The following TNFRSF19 variants were observed in gnomAD, a reference collection of about 807,000 sequenced individuals.
TNFRSF19 encodes the protein tumor necrosis factor receptor superfamily member 19.
TNFRSF19 carries 27 observed loss-of-function variants against 46.4 expected under a neutral mutation model. That is an observed-to-expected ratio of 0.58 (90% CI 0.43 to 0.80). TNFRSF19 has a LOEUF of 0.80. TNFRSF19 is among the 30% of genes least tolerant of loss of function. TNFRSF19 has a pLI of 0.00. For missense variants in TNFRSF19, 511 were observed against 530.8 expected (o/e 0.96, Z 0.37); for synonymous variants, 204 against 205.0 (o/e 1.00, Z 0.04).
At chr13:23,665,771 T>C (rs1951619800) in intron 7 of TNFRSF19, among the ~76,000 whole-genome samples, 1 of 152,198 alleles carries the variant, frequency 6.6e-6, no homozygotes, top group African/African-American at 2.4e-5. Context: ...AACAGGAAAT[T>C]CGTGTTAATT....
intron 4 of TNFRSF19, among the ~76,000 whole-genome samples, chr13:23,623,602 C>T (rs116216303): frequency 0.056 from 8,518 of 152,178 alleles, 397 homozygotes; most frequent in African/African-American, 0.13. Context: ...CACATCCTTG[C>T]CAACACTTGT....
At chr13:23,668,201 CTGGA>C in intron 8 of TNFRSF19, 119 bp downstream of exon 8, 1 of 975,524 alleles carries the variant, frequency 1.0e-6, no homozygotes, top group Non-Finnish European at 1.5e-6. Context: ...TAATGACATT[CTGGA>C]TATTGGTGGG....
At chr13:23,633,987 CACTT>C (rs1882524240) in intron 5 of TNFRSF19, among the ~76,000 whole-genome samples, 1 of 152,188 alleles carries the variant, frequency 6.6e-6, no homozygotes, top group Non-Finnish European at 1.5e-5. Flanking sequence ...CTATTTCAAA[CACTT>C]ATTCTCCAGA....
chr13:23,661,072 T>C (rs919715983), intron 7 of TNFRSF19, among the ~76,000 whole-genome samples: 9 of 152,200 alleles, frequency 5.9e-5, no homozygotes, highest in Non-Finnish European at 1.2e-4. Flanking sequence ...ATTTTAGGTT[T>C]GGGGGTACAT....
chr13:23,673,695 G>A lies in TNFRSF19; in HGVS notation c.*315G>A. 2.1e-6 allele frequency: 1 copy of A among 477,004 alleles called. No individual in the cohort carries two copies. The highest frequency in any genetic ancestry group is 3.1e-6 in the Non-Finnish European group (1 of 319,408). The allele number at this position is 477,004 out of a possible 1,614,324, so 29.5% of individuals were successfully genotyped here. ...GGTTGAGCTGGCAGCCTATGAGATT[G>A]TGGACATATAACAAGAAACAGAAAT... On this transcript the variant is annotated 3_prime_UTR_variant, in exon 10 of 10. Coordinates refer to ENST00000248484, the MANE Select transcript of TNFRSF19 (RefSeq NM_148957.4).
intron 1 of TNFRSF19, chr13:23,579,314 T>G (rs11841272): frequency 0.1 from 15,751 of 152,086 alleles, 877 homozygotes; most frequent in East Asian, 0.17. Context: ...GGGTGGGCGG[T>G]GCCCTGAGCG....
At chr13:23,615,774 T>G in intron 3 of TNFRSF19, 93 bp from the exon 4 acceptor site, 1 of 1,332,896 alleles carries the variant, frequency 7.5e-7, no homozygotes, top group Non-Finnish European at 1.0e-6. Flanking sequence ...CACTTGGTAA[T>G]TATTAGACCA....
chr13:23,597,049 A>T (rs907191934), intron 3 of TNFRSF19, among the ~76,000 whole-genome samples: 2 of 152,250 alleles, frequency 1.3e-5, no homozygotes, highest in African/African-American at 4.8e-5. Flanking sequence ...GAAACCAAAG[A>T]GAACAAAGAC....
At chr13:23,628,143 G>A (rs1306529262) in intron 5 of TNFRSF19, among the ~76,000 whole-genome samples, 1 of 152,144 alleles carries the variant, frequency 6.6e-6, no homozygotes, top group Non-Finnish European at 1.5e-5. Context: ...GGTGAATCCT[G>A]TTCTGTTGTT....
intron 1 of TNFRSF19, among the ~76,000 whole-genome samples, chr13:23,582,793 A>G (rs1390887977): frequency 6.6e-6 from 1 of 152,208 alleles, no homozygotes; most frequent in Admixed American, 6.5e-5. Context: ...CTAGAATTTC[A>G]TATAAATGTA....
chr13:23,630,365 T>C (rs1351307241), intron 5 of TNFRSF19, among the ~76,000 whole-genome samples: 3 of 150,132 alleles, frequency 2.0e-5, no homozygotes, highest in Non-Finnish European at 4.4e-5. Context: ...ACTGGGAGGC[T>C]GAAGGCTGAA....
chr13:23,603,352 G>A (rs1439545699), intron 3 of TNFRSF19, among the ~76,000 whole-genome samples: 1 of 151,972 alleles, frequency 6.6e-6, no homozygotes, highest in African/African-American at 2.4e-5. Flanking sequence ...TTCCAAAACA[G>A]AGAGCACCAA....
rs531042268 is a variant in TNFRSF19 at position 23,651,824 on chromosome 13, T to G, written c.446-7226T>G. 4.8e-4 allele frequency among the ~76,000 whole-genome samples: 65 copies of G among 136,332 alleles called. No homozygotes were observed. In the South Asian group the frequency reaches 8.8e-3, roughly 18 times the overall value. The allele number at this position is 136,332 out of a possible 152,430, so 89.4% of individuals were successfully genotyped here. On this transcript the variant is annotated intron_variant, in intron 5 of 9. Transcript: ENST00000248484. ...GTCTATACAGAATCTGAACCAGTAA[T>G]CCTTCACACTATAGTCTTTTTTTTT...
intron 5 of TNFRSF19, among the ~76,000 whole-genome samples, chr13:23,636,859 G>GT (rs2138323918): frequency 6.6e-6 from 1 of 152,342 alleles, no homozygotes; most frequent in African/African-American, 2.4e-5. Flanking sequence ...AGCTGGCACA[G>GT]TAGATGTATG....
At chr13:23,628,793 G>A (rs1882168821) in intron 5 of TNFRSF19, among the ~76,000 whole-genome samples, 1 of 152,058 alleles carries the variant, frequency 6.6e-6, no homozygotes, top group Non-Finnish European at 1.5e-5. Flanking sequence ...ATATATATGT[G>A]TGTGTATATG....
At chr13:23,590,918 C>T (rs1879233952) in intron 2 of TNFRSF19, among the ~76,000 whole-genome samples, 1 of 152,172 alleles carries the variant, frequency 6.6e-6, no homozygotes, top group African/African-American at 2.4e-5. Context: ...CCATGACCTA[C>T]ACAGTTTATG....
Position 23,611,281 on chromosome 13 carries a change from T to G in TNFRSF19, c.181-4586T>G, listed in dbSNP as rs1880896781. ...TGCAGTAGAGGAAATGAAAGCTCAG[T>G]GTAGAACTGGGCTCCACTCCAAATA... On this transcript the variant is annotated intron_variant, in intron 3 of 9. Transcript: ENST00000248484. Among the ~76,000 whole-genome samples, 3 of 152,140 alleles carry G rather than the reference T, an allele frequency of 2.0e-5. No individual in the cohort carries two copies. The South Asian group carries it at 6.2e-4, about 32-fold the overall frequency.
chr13:23,608,862 G>T (rs1476256795), intron 3 of TNFRSF19, among the ~76,000 whole-genome samples: 1 of 152,160 alleles, frequency 6.6e-6, no homozygotes, highest in Non-Finnish European at 1.5e-5. Flanking sequence ...CACTGCGGGA[G>T]CTGCCTTGCT....
intron 3 of TNFRSF19, among the ~76,000 whole-genome samples, chr13:23,614,094 G>GTCTCCCCCCTCCTCTC (rs1566185315): frequency 6.6e-6 from 1 of 151,750 alleles, no homozygotes; most frequent in Non-Finnish European, 1.5e-5. Context: ...AGTGTTGTTT[G>GTCTCCCCCCTCCTCTC]TCTCCCCCCT....
Sources: allele counts gnomAD v4.1 joint callset (sites outside exome capture counted in the v4.1 genomes callset), GRCh38; gene constraint gnomAD v4.1.1; transcripts MANE v1.5; gene names NCBI Gene and HGNC (gene_info 2026-07-23, HGNC 2026-07-21).